HIVEP3: variants seen among roughly 807,000 people sequenced by gnomAD.
The protein encoded by HIVEP3 is HIVEP zinc finger 3.
HIVEP3 carries 49 observed loss-of-function variants against 152.8 expected under a neutral mutation model. That is an observed-to-expected ratio of 0.32 (90% confidence interval 0.26 to 0.41). The LOEUF (loss-of-function observed/expected upper bound fraction) is 0.41. HIVEP3 is among the 10% of genes least tolerant of loss of function. The pLI, the probability that HIVEP3 is intolerant of heterozygous loss-of-function variation, is 1.00. For synonymous variants in HIVEP3, 1,269 were observed against 1,289.0 expected (o/e 0.98, Z 0.33); for missense variants, 2,790 against 3,103.3 (o/e 0.90, Z 2.40).
At chr1:41,564,537 G>C (rs901368810) in intron 5 of HIVEP3, among the ~76,000 whole-genome samples, 2 of 152,174 alleles carry the variant, frequency 1.3e-5, no homozygotes, top group African/African-American at 2.4e-5. Context: ...AAGATCCTAA[G>C]ACAGGACCCT....
intron 1 of HIVEP3, among the ~76,000 whole-genome samples, chr1:41,823,812 C>A (rs953727787): frequency 6.6e-6 from 1 of 152,180 alleles, no homozygotes; most frequent in African/African-American, 2.4e-5. Context: ...ACTGGGGGTA[C>A]ACACAGCTTC....
At chr1:41,793,036 A>G (rs1649789190) in intron 1 of HIVEP3, among the ~76,000 whole-genome samples, 1 of 152,218 alleles carries the variant, frequency 6.6e-6, no homozygotes, top group African/African-American at 2.4e-5. Context: ...CCACTCTCCC[A>G]GAAAGCTAAT....
At chr1:41,903,035 A>G (rs1644652231) in intron 1 of HIVEP3, among the ~76,000 whole-genome samples, 1 of 152,234 alleles carries the variant, frequency 6.6e-6, no homozygotes, top group Admixed American at 6.5e-5. Flanking sequence ...CATTCCTGAG[A>G]CATGTTTATT....
chr1:41,706,221 C>T (rs953477306), intron 1 of HIVEP3, among the ~76,000 whole-genome samples: 7 of 152,324 alleles, frequency 4.6e-5, no homozygotes, highest in Non-Finnish European at 7.4e-5. Context: ...TCCTCCCTGT[C>T]CCCTTTTAGG....
chr1:41,762,352 A>G (rs1286939724), intron 1 of HIVEP3, among the ~76,000 whole-genome samples: 24 of 152,218 alleles, frequency 1.6e-4, no homozygotes, highest in Admixed American at 1.6e-3. Flanking sequence ...GAAGGTAAGT[A>G]TGAAGAAAGC....
At chr1:42,008,508 C>A (rs1271063054) in intron 1 of HIVEP3, among the ~76,000 whole-genome samples, 1 of 152,188 alleles carries the variant, frequency 6.6e-6, no homozygotes, top group African/African-American at 2.4e-5. Context: ...TAAATCGGCT[C>A]CACAATTGTT....
At chr1:41,619,591 C>T (rs1485545876) in intron 3 of HIVEP3, among the ~76,000 whole-genome samples, 1 of 152,070 alleles carries the variant, frequency 6.6e-6, no homozygotes, top group African/African-American at 2.4e-5. Context: ...GGATGACCTA[C>T]CTCTTTGAGG....
intron 2 of HIVEP3, among the ~76,000 whole-genome samples, chr1:41,639,231 A>G (rs184088958): frequency 2.6e-5 from 4 of 152,354 alleles, no homozygotes; most frequent in Non-Finnish European, 4.4e-5. Context: ...ATCATATGGA[A>G]TAATCCTGGT....
At chr1:41,648,491 A>AG (rs1287451735) in intron 2 of HIVEP3, among the ~76,000 whole-genome samples, 1 of 152,188 alleles carries the variant, frequency 6.6e-6, no homozygotes, top group African/African-American at 2.4e-5. Flanking sequence ...ATGTCCCACT[A>AG]GGGGGGCCAG....
At chr1:41,545,289 A>C (rs1393541443) in intron 5 of HIVEP3, among the ~76,000 whole-genome samples, 1 of 145,852 alleles carries the variant, frequency 6.9e-6, no homozygotes, top group African/African-American at 2.6e-5. Flanking sequence ...TACCACCACC[A>C]CCATCACCAC....
chr1:41,815,661 A>G (rs1010858616), intron 1 of HIVEP3, among the ~76,000 whole-genome samples: 20 of 152,092 alleles, frequency 1.3e-4, no homozygotes, highest in African/African-American at 4.8e-4. Flanking sequence ...GAGGAGGCTT[A>G]GCTTTTATCC....
At chr1:41,822,569 C>T (rs1254512032) in intron 1 of HIVEP3, among the ~76,000 whole-genome samples, 1 of 152,208 alleles carries the variant, frequency 6.6e-6, no homozygotes, top group Non-Finnish European at 1.5e-5. Context: ...GTTAGAGGTT[C>T]TTCTGGCCTA....
At chr1:41,883,700 C>T (rs975387248) in intron 1 of HIVEP3, among the ~76,000 whole-genome samples, 1 of 152,164 alleles carries the variant, frequency 6.6e-6, no homozygotes, top group South Asian at 2.1e-4. Flanking sequence ...AATGTGATAG[C>T]AAGTTGCTGT....
intron 1 of HIVEP3, among the ~76,000 whole-genome samples, chr1:41,781,448 A>G (rs765047989): frequency 2.6e-5 from 4 of 152,172 alleles, no homozygotes; most frequent in Non-Finnish European, 4.4e-5. Flanking sequence ...GGTCCTGTCT[A>G]TTCTACTTCC....
chr1:41,896,637 C>T (rs1319913844), intron 1 of HIVEP3, among the ~76,000 whole-genome samples: 2 of 149,648 alleles, frequency 1.3e-5, no homozygotes, highest in African/African-American at 4.9e-5. Context: ...TGCAATGGTG[C>T]GATCTCGGGT....
chr1:41,745,666 C>T (rs1647060598), intron 1 of HIVEP3, among the ~76,000 whole-genome samples: 1 of 152,166 alleles, frequency 6.6e-6, no homozygotes, highest in Non-Finnish European at 1.5e-5. Flanking sequence ...GGCTCTTGGG[C>T]CCCCTTTCCA....
At chr1:41,539,310 C>T (rs1273811829) in intron 5 of HIVEP3, among the ~76,000 whole-genome samples, 1 of 152,206 alleles carries the variant, frequency 6.6e-6, no homozygotes, top group Non-Finnish European at 1.5e-5. Flanking sequence ...CACCCATGCT[C>T]TGAGCTCTGG....
chr1:41,929,148 G>C (rs1644982977), intron 1 of HIVEP3, among the ~76,000 whole-genome samples: 1 of 152,018 alleles, frequency 6.6e-6, no homozygotes. Flanking sequence ...GTGTTCTAGG[G>C]GTGATTTTCT....
intron 1 of HIVEP3, among the ~76,000 whole-genome samples, chr1:41,763,410 G>T (rs919273178): frequency 6.6e-6 from 1 of 152,156 alleles, no homozygotes; most frequent in African/African-American, 2.4e-5. Context: ...CAGCCATCCA[G>T]GGAGTGCTCG....
Sources: allele counts gnomAD v4.1 joint callset (sites outside exome capture counted in the v4.1 genomes callset), GRCh38; gene constraint gnomAD v4.1.1; transcripts MANE v1.5; gene names NCBI Gene and HGNC (gene_info 2026-07-23, HGNC 2026-07-21).